The following DIPK2A variants were observed in gnomAD, a reference collection of about 807,000 sequenced individuals.
DIPK2A encodes divergent protein kinase domain 2A, also known as Golgi Protein of 49 kDa.
In DIPK2A, 27 loss-of-function variants were observed where a neutral mutation model predicts 39.0. The observed-to-expected ratio is 0.69, with a 90% CI of 0.51 to 0.96. DIPK2A has a LOEUF of 0.96. Among genes scored for constraint, DIPK2A ranks in the 40% least tolerant of loss-of-function variants. DIPK2A has a pLI of 0.00. For missense variants in DIPK2A, 528 were observed against 571.3 expected, an observed-to-expected ratio of 0.92 and a Z score of 0.77; for synonymous variants, 298 against 240.8, an observed-to-expected ratio of 1.24 and a Z score of -2.20.
At chr3:143,989,441 T>A (rs761831486) in intron 2 of DIPK2A, 69 bp from the exon 3 acceptor site, 63 of 890,844 alleles carry the variant, frequency 7.1e-5, no homozygotes, top group Admixed American at 3.0e-4. Context: ...AGTGAAATAT[T>A]CTATTTTTGG....
At chr3:143,977,229 G>T (rs1576806776) in intron 1 of DIPK2A, among the ~76,000 whole-genome samples, 3 of 152,116 alleles carry the variant, frequency 2.0e-5, no homozygotes, top group Admixed American at 2.0e-4. Context: ...TTTACTATTG[G>T]ACTCACTTCC....
At chr3:143,983,835 G>A (rs1431071490) in intron 1 of DIPK2A, among the ~76,000 whole-genome samples, 2 of 144,544 alleles carry the variant, frequency 1.4e-5, no homozygotes, top group East Asian at 3.9e-4. Context: ...TATTGGGAAG[G>A]CTGTTTCATC....
chr3:143,974,206 G>T (rs1375556979), intron 1 of DIPK2A, among the ~76,000 whole-genome samples: 3 of 151,628 alleles, frequency 2.0e-5, no homozygotes, highest in African/African-American at 7.3e-5. Flanking sequence ...GCTCTACACT[G>T]CCCATTTTAG....
At chr3:143,984,499 T>C (rs1402862473) in intron 1 of DIPK2A, among the ~76,000 whole-genome samples, 9 of 151,706 alleles carry the variant, frequency 5.9e-5, no homozygotes, top group Admixed American at 5.9e-4. Flanking sequence ...CAGGGAGGCC[T>C]GAGGAGAGGC....
At chr3:143,986,041 C>T (rs546824988) in intron 2 of DIPK2A, 195 bp downstream of exon 2, 14 of 558,810 alleles carry the variant, frequency 2.5e-5, no homozygotes, top group African/African-American at 3.8e-5. Flanking sequence ...TTGATAAACC[C>T]GGTGTCAGTT....
At chr3:143,973,784 G>A in intron 1 of DIPK2A, 1 of 586,126 alleles carries the variant, frequency 1.7e-6, no homozygotes, top group South Asian at 2.0e-5. Flanking sequence ...CGCCAGTTGC[G>A]TTGTTTGCTC....
chr3:143,991,585 G>A lies in DIPK2A; in HGVS notation c.*1744G>A, dbSNP rs1393164470. 3 of 152,584 alleles carry A rather than the reference G, an allele frequency of 2.0e-5. No individual in the cohort carries two copies. 9.5% of individuals were successfully genotyped at this position (152,584 alleles called of 1,614,324 possible). A position where few individuals can be genotyped will look rare whatever the true frequency, so the allele number is the denominator to read the frequency against. Reference sequence around the variant, plus strand: ...TAAAAACTGGAAGGAAAAGGTAAGAGCTCTCCATTATAAAATAGTTGCATT... The same window carrying A: ...TAAAAACTGGAAGGAAAAGGTAAGAACTCTCCATTATAAAATAGTTGCATT... On this transcript the variant is annotated 3_prime_UTR_variant, in exon 3 of 3. Transcript: ENST00000315691.
At position 143,989,664 on chromosome 3, in the gene DIPK2A, C is replaced by T. The variant is rs745776128; in HGVS notation, c.1116C>T (p.Ala372=). Reference sequence around the variant, plus strand: ...GTCAGAACCTCTTATCCAGACATGCCACCTGGCGTGGCACTTCTGGAGGAC... The same window carrying T: ...GTCAGAACCTCTTATCCAGACATGCTACCTGGCGTGGCACTTCTGGAGGAC... ...AVCQNLLSRH[A]TWRGTSGGLL... Residue 372 remains alanine, a synonymous_variant, in exon 3 of 3, where the codon GCC becomes GCT. Transcript: ENST00000315691. The T allele has an allele frequency of 4.2e-5, 67 of 1,614,088 alleles. No individual in the cohort carries two copies. The highest frequency in any genetic ancestry group is 4.1e-5 in the Non-Finnish European group (48 of 1,180,042).
chr3:143,988,523 G>C (rs1175062149), intron 2 of DIPK2A, among the ~76,000 whole-genome samples: 2 of 152,066 alleles, frequency 1.3e-5, no homozygotes, highest in Non-Finnish European at 2.9e-5. Context: ...GGCATTCCCA[G>C]TTTCCTCTTC....
chr3:143,976,422 T>G (rs1285041532), intron 1 of DIPK2A, among the ~76,000 whole-genome samples: 1 of 152,038 alleles, frequency 6.6e-6, no homozygotes, highest in African/African-American at 2.4e-5. Context: ...ATAGGAATCT[T>G]GAAGTATTCA....
Position 143,972,445 on chromosome 3 carries a change from C to A in DIPK2A, c.113C>A (p.Ser38Tyr). 6.3e-7 allele frequency: 1 copy of A among 1,595,986 alleles called. No individual in the cohort carries two copies. Among genetic ancestry groups the A allele is most frequent in the Non-Finnish European group, 8.5e-7 (1 of 1,170,268 alleles). The change falls in exon 1 of 3, where the codon TCT becomes TAT. Residue 38 changes from serine (S) to tyrosine (Y), a missense_variant. Around this residue, in one of 2 missense-constraint regions of DIPK2A, gnomAD observed 309 missense variants for 289.8 expected, o/e 1.07. Coordinates refer to ENST00000315691, the MANE Select transcript of DIPK2A (RefSeq NM_173552.5). Reference sequence around the variant, plus strand: ...CTGCACTCGCCGTCGCTGCTCGCCTCTTGGCAGCGCAACGAACTGACCGAC... The same window carrying A: ...CTGCACTCGCCGTCGCTGCTCGCCTATTGGCAGCGCAACGAACTGACCGAC... ...MVLHSPSLLA[S>Y]WQRNELTDRR...
intron 1 of DIPK2A, among the ~76,000 whole-genome samples, chr3:143,983,192 AGGACTTGAACTCAGCTCT>A (rs1423516544): frequency 1.3e-5 from 2 of 152,206 alleles, no homozygotes; most frequent in African/African-American, 4.8e-5. Flanking sequence ...AAAGATATTC[AGGACTTGAACTCAGCTCT>A]GGACCAAGTG....
At chr3:143,983,410 A>G (rs1394046663) in intron 1 of DIPK2A, among the ~76,000 whole-genome samples, 1 of 152,242 alleles carries the variant, frequency 6.6e-6, no homozygotes, top group African/African-American at 2.4e-5. Flanking sequence ...AACTCACTCA[A>G]AATTGCACAA....
At chr3:143,976,029 C>T (rs2087723649) in intron 1 of DIPK2A, among the ~76,000 whole-genome samples, 2 of 151,932 alleles carry the variant, frequency 1.3e-5, no homozygotes, top group Non-Finnish European at 2.9e-5. Context: ...ATTGAAGTTG[C>T]TATTATTCCT....
Position 143,972,283 on chromosome 3 carries a change from G to A in DIPK2A, c.-50G>A, listed in dbSNP as rs2087660841. 4 of 1,334,730 alleles carry A rather than the reference G, an allele frequency of 3.0e-6. No homozygotes were observed. In the South Asian group the frequency reaches 8.1e-5, roughly 27 times the overall value. The allele number at this position is 1,334,730 out of a possible 1,614,324, so 82.7% of individuals were successfully genotyped here. ...TAGCTCTCCGGGTCTTGGCGCGGCG[G>A]GGGCGCCCCGGGGGTGCCCTCGCCC... On this transcript the variant is annotated 5_prime_UTR_variant, in exon 1 of 3. Coordinates refer to ENST00000315691, the MANE Select transcript of DIPK2A (RefSeq NM_173552.5).
chr3:143,972,403 T>C lies in DIPK2A; in HGVS notation c.71T>C (p.Leu24Pro). 1 of 1,496,716 alleles carries C rather than the reference T, an allele frequency of 6.7e-7. No homozygotes were observed. The highest frequency in any genetic ancestry group is 8.9e-7 in the Non-Finnish European group (1 of 1,120,204). 92.7% of individuals were successfully genotyped at this position (1,496,716 alleles called of 1,614,324 possible). A position where few individuals can be genotyped will look rare whatever the true frequency, so the allele number is the denominator to read the frequency against. The change falls in exon 1 of 3, where the codon CTG (leucine) becomes CCG (proline). Residue 24 changes from leucine (L) to proline (P), a missense_variant. Physicochemically the swap from Leu to Pro is moderately conservative, Grantham distance 98 (BLOSUM62 -3). Around this residue, in one of 2 missense-constraint regions of DIPK2A, gnomAD observed 309 missense variants for 289.8 expected, o/e 1.07. Coordinates refer to ENST00000315691, the MANE Select transcript of DIPK2A (RefSeq NM_173552.5). ...CTGAAGCTGGCGGCGCTGGGCAGCC[T>C]GTTGGTGCTGATGGTGCTGCACTCG... is the stretch of plus-strand genomic sequence containing the variant. The part of the protein sequence containing the change: ...RSLKLAALGS[L>P]LVLMVLHSPS...
intron 1 of DIPK2A, among the ~76,000 whole-genome samples, chr3:143,981,636 T>C (rs1428274302): frequency 1.3e-5 from 2 of 152,130 alleles, no homozygotes; most frequent in East Asian, 3.9e-4. Flanking sequence ...CTTTATAAAA[T>C]CTGAAAAATT....
rs1249204520 is a variant in DIPK2A at position 143,991,749 on chromosome 3, C to A, written c.*1908C>A. On this transcript the variant is annotated 3_prime_UTR_variant, in exon 3 of 3. Coordinates refer to ENST00000315691, the MANE Select transcript of DIPK2A (RefSeq NM_173552.5). ...GGGGAGTGTTGAAAATTGCCAAACA[C>A]TCACCTCTTACTCAAAACTTCAAAT... The A allele has an allele frequency of 6.6e-6, 1 of 152,294 alleles. No individual in the cohort carries two copies. 9.4% of individuals were successfully genotyped at this position (152,294 alleles called of 1,614,324 possible). A position where few individuals can be genotyped will look rare whatever the true frequency, so the allele number is the denominator to read the frequency against.
chr3:143,978,911 G>GTT (rs1200246213), intron 1 of DIPK2A, among the ~76,000 whole-genome samples: 1 of 151,726 alleles, frequency 6.6e-6, no homozygotes, highest in African/African-American at 2.4e-5. Flanking sequence ...CCGATTCTAA[G>GTT]TTTTTTTAAT....
Sources: allele counts gnomAD v4.1 joint callset (sites outside exome capture counted in the v4.1 genomes callset), GRCh38; gene constraint gnomAD v4.1.1; regional missense constraint gnomAD v4.1.1; transcripts MANE v1.5; gene names NCBI Gene and HGNC (gene_info 2026-07-23, HGNC 2026-07-21).